The following CNTNAP5 variants were observed in gnomAD, a reference collection of about 807,000 sequenced individuals.
The protein encoded by CNTNAP5 is contactin associated protein family member 5.
Under a neutral mutation model 150.2 loss-of-function variants are expected in CNTNAP5, and 72 were observed. That is an observed-to-expected ratio of 0.48 (90% CI 0.40 to 0.58). The LOEUF (loss-of-function observed/expected upper bound fraction) is 0.58. CNTNAP5 is among the 20% of genes least tolerant of loss of function. The probability of loss-of-function intolerance (pLI) is 0.00; values close to 1 mark genes in which losing one functional copy is unlikely to be tolerated. For missense variants in CNTNAP5, 1,636 were observed against 1,626.2 expected, an observed-to-expected ratio of 1.01 and a Z score of -0.10; for synonymous variants, 672 against 619.8, an observed-to-expected ratio of 1.08 and a Z score of -1.25.
intron 3 of CNTNAP5, among the ~76,000 whole-genome samples, chr2:124,357,518 T>C (rs1434082354): frequency 1.3e-5 from 2 of 152,062 alleles, no homozygotes; most frequent in Non-Finnish European, 2.9e-5. Context: ...TTCAGCTTTC[T>C]ACATATGGCT....
At chr2:124,183,297 T>C (rs569215934) in intron 1 of CNTNAP5, among the ~76,000 whole-genome samples, 41 of 152,202 alleles carry the variant, frequency 2.7e-4, no homozygotes, top group Non-Finnish European at 5.7e-4. Context: ...TGATTCATGT[T>C]ATAGTGTTAG....
chr2:124,342,719 A>G (rs1276392684), intron 3 of CNTNAP5, among the ~76,000 whole-genome samples: 1 of 152,206 alleles, frequency 6.6e-6, no homozygotes, highest in African/African-American at 2.4e-5. Flanking sequence ...AATTCTGTTC[A>G]CAAAAGTACA....
At chr2:124,804,268 C>T (rs1266406275) in intron 19 of CNTNAP5, among the ~76,000 whole-genome samples, 2 of 152,182 alleles carry the variant, frequency 1.3e-5, no homozygotes, top group African/African-American at 4.8e-5. Flanking sequence ...ATGATAAGGG[C>T]AGGACAGAGG....
intron 19 of CNTNAP5, among the ~76,000 whole-genome samples, chr2:124,841,451 T>A (rs1682943462): frequency 6.6e-6 from 1 of 151,810 alleles, no homozygotes; most frequent in South Asian, 2.1e-4. Context: ...TTCTTCTCCT[T>A]CTCATGGCTA....
At chr2:124,510,321 C>CTATATATCTATATCTATATATCTATA (rs1403460082) in intron 8 of CNTNAP5, among the ~76,000 whole-genome samples, 3 of 40,088 alleles carry the variant, frequency 7.5e-5, no homozygotes, top group Non-Finnish European at 1.4e-4. Context: ...ATCTATATAT[C>CTATATATCTATATCTATATATCTATA]TATCTATATA....
intron 1 of CNTNAP5, among the ~76,000 whole-genome samples, chr2:124,045,371 C>G (rs1681502792): frequency 6.7e-6 from 1 of 148,632 alleles, no homozygotes; most frequent in South Asian, 2.1e-4. Flanking sequence ...CAATCTCGTT[C>G]ACTGTAAACT....
At chr2:124,907,769 G>A (rs1279655563) in intron 22 of CNTNAP5, among the ~76,000 whole-genome samples, 1 of 150,726 alleles carries the variant, frequency 6.6e-6, no homozygotes, top group Non-Finnish European at 1.5e-5. Flanking sequence ...TACCCCAAGG[G>A]TTACTTTGCC....
intron 11 of CNTNAP5, among the ~76,000 whole-genome samples, chr2:124,602,441 T>G (rs1188050095): frequency 6.6e-6 from 1 of 152,128 alleles, no homozygotes; most frequent in Non-Finnish European, 1.5e-5. Context: ...CTCATTTTTA[T>G]TTCGACTATC....
At chr2:124,599,949 A>C (rs146702972) in intron 11 of CNTNAP5, among the ~76,000 whole-genome samples, 145 of 152,192 alleles carry the variant, frequency 9.5e-4, no homozygotes, top group Admixed American at 1.6e-3. Context: ...CTTGAGATTT[A>C]GAACCATGTC....
intron 1 of CNTNAP5, among the ~76,000 whole-genome samples, chr2:124,045,567 C>T (rs541453931): frequency 2.0e-5 from 3 of 151,864 alleles, no homozygotes; most frequent in East Asian, 3.9e-4. Flanking sequence ...AAAGTGCCAC[C>T]GCACCAGGCC....
intron 19 of CNTNAP5, among the ~76,000 whole-genome samples, chr2:124,847,995 A>T (rs1023280344): frequency 6.6e-6 from 1 of 152,178 alleles, no homozygotes; most frequent in African/African-American, 2.4e-5. Context: ...CATTTAAAAA[A>T]ATGTTTACTT....
At chr2:124,488,925 C>T (rs530454912) in intron 7 of CNTNAP5, among the ~76,000 whole-genome samples, 1 of 152,216 alleles carries the variant, frequency 6.6e-6, no homozygotes, top group South Asian at 2.1e-4. Flanking sequence ...ACGTGTCTCC[C>T]TCCACTAAAT....
chr2:124,712,149 T>C (rs1474830315), intron 13 of CNTNAP5, among the ~76,000 whole-genome samples: 2 of 152,210 alleles, frequency 1.3e-5, no homozygotes, highest in African/African-American at 4.8e-5. Flanking sequence ...AGACCAGTTA[T>C]GATTTACTTT....
At chr2:124,178,907 GTTATTTATTTATTTATTTATTTAT>G (rs199781615) in intron 1 of CNTNAP5, among the ~76,000 whole-genome samples, 4 of 141,116 alleles carry the variant, frequency 2.8e-5, no homozygotes, top group South Asian at 2.3e-4. Context: ...ATTTTTATTT[GTTATTTATTTATTTATTTATTTAT>G]TTATTTATTT....
chr2:124,225,739 G>A (rs1363797753), intron 2 of CNTNAP5, among the ~76,000 whole-genome samples: 3 of 152,110 alleles, frequency 2.0e-5, no homozygotes, highest in Non-Finnish European at 4.4e-5. Flanking sequence ...ATTCATATTA[G>A]AAGTGCAAGT....
At chr2:124,818,879 C>T (rs1461976594) in intron 19 of CNTNAP5, among the ~76,000 whole-genome samples, 1 of 152,180 alleles carries the variant, frequency 6.6e-6, no homozygotes, top group Non-Finnish European at 1.5e-5. Context: ...ATAGGCCTGG[C>T]TCATCGACCT....
intron 6 of CNTNAP5, among the ~76,000 whole-genome samples, chr2:124,453,843 G>A (rs1427125887): frequency 1.3e-5 from 2 of 152,014 alleles, no homozygotes; most frequent in Non-Finnish European, 2.9e-5. Flanking sequence ...GAGAGAATTT[G>A]CCACTACCAA....
chr2:124,398,234 TC>T (rs920821848), intron 3 of CNTNAP5, among the ~76,000 whole-genome samples: 1 of 152,158 alleles, frequency 6.6e-6, no homozygotes, highest in Non-Finnish European at 1.5e-5. Flanking sequence ...ACATTCCAGC[TC>T]CTTTGCTGAT....
In CNTNAP5 at chr2:124,285,140, T is replaced by C. The variant is rs1277068978; in HGVS notation, c.381+42747T>C. Reference sequence around the variant, plus strand: ...TCTGTTTTCCACCGGGCAACTTGAGTAGCTTTAGTTTGTAAGATCCCAGAT... The same window carrying C: ...TCTGTTTTCCACCGGGCAACTTGAGCAGCTTTAGTTTGTAAGATCCCAGAT... On this transcript the variant is annotated intron_variant, in intron 3 of 23. Coordinates refer to ENST00000682447, the MANE Select transcript of CNTNAP5 (RefSeq NM_001367498.1). 2.0e-5 allele frequency among the ~76,000 whole-genome samples: 3 copies of C among 152,146 alleles called. No homozygotes were observed. In the East Asian group the frequency reaches 5.8e-4, roughly 29 times the overall value.
Sources: allele counts gnomAD v4.1 joint callset (sites outside exome capture counted in the v4.1 genomes callset), GRCh38; gene constraint gnomAD v4.1.1; transcripts MANE v1.5; gene names NCBI Gene and HGNC (gene_info 2026-07-23, HGNC 2026-07-21).